The following MAGI2 variants were observed in gnomAD, a reference collection of about 807,000 sequenced individuals.
The protein encoded by MAGI2 is membrane associated guanylate kinase, WW and PDZ domain containing 2.
In MAGI2, 35 loss-of-function variants were observed where a neutral mutation model predicts 133.3. The ratio of observed to expected loss-of-function variants is 0.26; its 90% CI spans 0.20 to 0.35. The LOEUF (loss-of-function observed/expected upper bound fraction) is 0.35, where lower values mean the gene tolerates loss of function less well. MAGI2 is among the 10% of genes least tolerant of loss of function. The pLI is 1.00. For synonymous variants in MAGI2, 729 were observed against 710.6 expected, an observed-to-expected ratio of 1.03 and a Z score of -0.41; for missense variants, 1,636 against 1,863.4, an observed-to-expected ratio of 0.88 and a Z score of 2.25.
intron 6 of MAGI2, among the ~76,000 whole-genome samples, chr7:78,461,026 C>T (rs1403880608): frequency 1.3e-5 from 2 of 152,014 alleles, no homozygotes; most frequent in African/African-American, 2.4e-5. Context: ...TGCCTTTCTT[C>T]GTTCTTTCTA....
Position 78,740,125 on chromosome 7 carries a change from C to T in MAGI2, c.419-112886G>A, listed in dbSNP as rs182164549. On this transcript the variant is annotated intron_variant, in intron 2 of 21. Transcript: ENST00000354212. Reference sequence around the variant, plus strand: ...GCAGTGAGCCGAGATCGCGCCACTGCACTCCAGCCTGGGTGACAGAGCCAG... The same window carrying T: ...GCAGTGAGCCGAGATCGCGCCACTGTACTCCAGCCTGGGTGACAGAGCCAG... 8.4e-3 allele frequency among the ~76,000 whole-genome samples: 1,277 copies of T among 151,476 alleles called. 26 individuals are homozygous for T. Among genetic ancestry groups the T allele is most frequent in the African/African-American group, 0.029 (1,215 of 41,234 alleles).
chr7:78,614,590 A>G (rs1478923841), intron 3 of MAGI2: 2 of 152,158 alleles, frequency 1.3e-5, no homozygotes, highest in Admixed American at 1.3e-4. Context: ...GTATATTTAT[A>G]TATACTTAGA....
chr7:78,610,077 C>CT (rs1806272409), intron 3 of MAGI2, among the ~76,000 whole-genome samples: 1 of 152,144 alleles, frequency 6.6e-6, no homozygotes, highest in East Asian at 1.9e-4. Flanking sequence ...CACTTCCACT[C>CT]TACCCCTTGA....
intron 18 of MAGI2, among the ~76,000 whole-genome samples, chr7:78,132,537 C>T (rs1446771039): frequency 1.3e-5 from 2 of 152,210 alleles, no homozygotes; most frequent in African/African-American, 2.4e-5. Context: ...ATATATTGGC[C>T]GCATTTCCAT....
At chr7:78,693,413 T>A (rs1563363694) in intron 2 of MAGI2, among the ~76,000 whole-genome samples, 1 of 152,286 alleles carries the variant, frequency 6.6e-6, no homozygotes, top group East Asian at 1.9e-4. Context: ...TTACGATGTG[T>A]ACAATCTGTT....
At chr7:78,888,123 C>T (rs527364088) in intron 2 of MAGI2, among the ~76,000 whole-genome samples, 129 of 152,308 alleles carry the variant, frequency 8.5e-4, no homozygotes, top group African/African-American at 2.9e-3. Context: ...CACAGAACCT[C>T]GCTCATTGCT....
chr7:78,812,950 T>G (rs1040406497), intron 2 of MAGI2, among the ~76,000 whole-genome samples: 2 of 152,124 alleles, frequency 1.3e-5, no homozygotes, highest in African/African-American at 4.8e-5. Context: ...ATATGAGAGC[T>G]CACCATAAAA....
chr7:78,789,255 C>T (rs1827080864), intron 2 of MAGI2, among the ~76,000 whole-genome samples: 1 of 152,110 alleles, frequency 6.6e-6, no homozygotes, highest in Non-Finnish European at 1.5e-5. Flanking sequence ...ATTTGAGCTA[C>T]CCAATCTCAC....
chr7:78,448,798 C>A (rs1420078980), intron 6 of MAGI2, among the ~76,000 whole-genome samples: 1 of 151,998 alleles, frequency 6.6e-6, no homozygotes, highest in Non-Finnish European at 1.5e-5. Flanking sequence ...CCATACCCAC[C>A]TCTGCGAGAA....
chr7:78,178,123 T>C (rs746148209), intron 13 of MAGI2, 21 bp from the exon 14 acceptor site: 58 of 1,476,564 alleles, frequency 3.9e-5, no homozygotes, highest in East Asian at 2.9e-4. Flanking sequence ...GGAGATCCCA[T>C]TGAGTAATGA....
intron 6 of MAGI2, among the ~76,000 whole-genome samples, chr7:78,407,066 A>T (rs533036588): frequency 6.6e-6 from 1 of 152,238 alleles, no homozygotes; most frequent in African/African-American, 2.4e-5. Context: ...TTATACATTG[A>T]TTTTACAAAC....
At chr7:78,777,263 A>G (rs1023587288) in intron 2 of MAGI2, among the ~76,000 whole-genome samples, 1 of 152,236 alleles carries the variant, frequency 6.6e-6, no homozygotes, top group Non-Finnish European at 1.5e-5. Flanking sequence ...AATACAGCAC[A>G]GTGTCAAAGA....
chr7:78,716,575 T>C (rs570579220), intron 2 of MAGI2, among the ~76,000 whole-genome samples: 1 of 152,220 alleles, frequency 6.6e-6, no homozygotes, highest in Non-Finnish European at 1.5e-5. Flanking sequence ...TTCAATTTTA[T>C]GTTGTTGCTG....
At chr7:78,200,144 A>G (rs983281235) in intron 11 of MAGI2, among the ~76,000 whole-genome samples, 5 of 152,242 alleles carry the variant, frequency 3.3e-5, no homozygotes, top group Non-Finnish European at 5.9e-5. Context: ...TTTGTGGACC[A>G]GATGAGTCAA....
intron 11 of MAGI2, among the ~76,000 whole-genome samples, chr7:78,196,197 T>A (rs988709597): frequency 7.2e-5 from 11 of 152,072 alleles, no homozygotes; most frequent in Non-Finnish European, 4.4e-5. Context: ...TCATTTCACC[T>A]AGCTACTAGA....
intron 1 of MAGI2, among the ~76,000 whole-genome samples, chr7:79,199,538 G>A (rs1828401930): frequency 6.6e-6 from 1 of 151,972 alleles, no homozygotes; most frequent in African/African-American, 2.4e-5. Context: ...GGGATTCAAA[G>A]CTAGAGATTT....
At chr7:79,127,545 G>A (rs1220291336) in intron 1 of MAGI2, among the ~76,000 whole-genome samples, 4 of 152,140 alleles carry the variant, frequency 2.6e-5, no homozygotes, top group African/African-American at 9.7e-5. Flanking sequence ...TTTCTCTGAT[G>A]GCCAGTGATG....
intron 2 of MAGI2, among the ~76,000 whole-genome samples, chr7:78,659,368 T>G (rs967359625): frequency 3.2e-5 from 4 of 126,070 alleles, no homozygotes; most frequent in African/African-American, 1.2e-4. Flanking sequence ...AAGGTTGCAG[T>G]GAGCCGAGAT....
intron 2 of MAGI2, among the ~76,000 whole-genome samples, chr7:78,840,835 C>CT (rs67759451): frequency 0.66 from 99,432 of 150,206 alleles, 33,022 homozygotes; most frequent in Middle Eastern, 0.72. Context: ...TCTGAATCTC[C>CT]TTTGTTTTTT....
Sources: allele counts gnomAD v4.1 joint callset (sites outside exome capture counted in the v4.1 genomes callset), GRCh38; gene constraint gnomAD v4.1.1; transcripts MANE v1.5; gene names NCBI Gene and HGNC (gene_info 2026-07-23, HGNC 2026-07-21).